SCMH1: variants seen among roughly 807,000 people sequenced by gnomAD.
SCMH1 encodes the protein Scm polycomb group protein homolog 1, also known as polycomb protein SCMH1.
Under a neutral mutation model 70.8 loss-of-function variants are expected in SCMH1, and 37 were observed. The observed-to-expected ratio is 0.52, with a 90% confidence interval of 0.40 to 0.69. The LOEUF (loss-of-function observed/expected upper bound fraction) is 0.69. SCMH1 is among the 30% of genes least tolerant of loss of function. The probability of loss-of-function intolerance (pLI) is 0.00; values close to 1 mark genes in which losing one functional copy is unlikely to be tolerated. For missense variants in SCMH1, 607 were observed against 827.3 expected (o/e 0.73, Z 3.27); for synonymous variants, 292 against 307.4 (o/e 0.95, Z 0.52).
intron 4 of SCMH1, among the ~76,000 whole-genome samples, chr1:41,153,908 A>T (rs184491345): frequency 1.2e-3 from 183 of 152,344 alleles, no homozygotes; most frequent in Non-Finnish European, 2.1e-3. Context: ...GACAGGCACC[A>T]AGGTATAGAT....
chr1:41,239,838 G>T (rs12126982), intron 1 of SCMH1, among the ~76,000 whole-genome samples: 11,869 of 152,116 alleles, frequency 0.078, 599 homozygotes, highest in South Asian at 0.13. Flanking sequence ...GTCTTGCTAC[G>T]TAGCCCAGGC....
At chr1:41,121,396 C>T (rs1035657982) in intron 6 of SCMH1, among the ~76,000 whole-genome samples, 1 of 152,214 alleles carries the variant, frequency 6.6e-6, no homozygotes. Flanking sequence ...TATTTTATCA[C>T]TCAGTCCTAC....
chr1:41,164,199 G>A (rs965843664), intron 2 of SCMH1, among the ~76,000 whole-genome samples: 4 of 151,966 alleles, frequency 2.6e-5, no homozygotes, highest in Middle Eastern at 3.4e-3. Context: ...GTTAAATCAC[G>A]TATCAACCTA....
At chr1:41,120,830 C>A (rs969423165) in intron 6 of SCMH1, among the ~76,000 whole-genome samples, 2 of 152,156 alleles carry the variant, frequency 1.3e-5, no homozygotes, top group African/African-American at 2.4e-5. Flanking sequence ...CAGGCTGGAA[C>A]CCCAGGACTT....
intron 8 of SCMH1, among the ~76,000 whole-genome samples, chr1:41,077,846 A>G (rs960266128): frequency 4.6e-5 from 7 of 152,218 alleles, no homozygotes; most frequent in African/African-American, 1.7e-4. Context: ...TTTAATATAA[A>G]ACGTTTGGCA....
At position 41,148,366 on chromosome 1, in the gene SCMH1, TA is replaced by T. The variant is rs1423310099; in HGVS notation, c.177+3247del. The stretch of plus-strand genomic sequence containing the variant: ...CCTTCATTTCTTTGTATAGATCTGT[TA>T]TTTCATTTGATATCATTTTCTTTCT... On this transcript the variant is annotated intron_variant, in intron 5 of 14. Transcript: ENST00000337495. 2.0e-5 allele frequency among the ~76,000 whole-genome samples: 3 copies of T among 152,214 alleles called. No individual in the cohort carries two copies. The East Asian group carries it at 5.8e-4, about 29-fold the overall frequency.
rs561300071 is a variant in SCMH1 at position 41,083,608 on chromosome 1, A to G, written c.746-8157T>C. Among the ~76,000 whole-genome samples, 3 of 152,368 alleles carry G rather than the reference A, an allele frequency of 2.0e-5. 1 individual carries two copies. Among genetic ancestry groups the G allele is most frequent in the Admixed American group, 2.0e-4 (3 of 15,304 alleles). Reference sequence around the variant, plus strand: ...ACAAGCTACCAATGACTTTCTTCACAGAATTGGAAAAAACTACTTTAAACT... The same window carrying G: ...ACAAGCTACCAATGACTTTCTTCACGGAATTGGAAAAAACTACTTTAAACT... On this transcript the variant is annotated intron_variant, in intron 8 of 14. Coordinates refer to ENST00000337495, the Ensembl canonical transcript of SCMH1.
At chr1:41,109,839 G>A (rs1443618386) in intron 8 of SCMH1, among the ~76,000 whole-genome samples, 1 of 152,160 alleles carries the variant, frequency 6.6e-6, no homozygotes, top group Non-Finnish European at 1.5e-5. Context: ...CAGCAACCTG[G>A]ACACAAAGAC....
intron 6 of SCMH1, among the ~76,000 whole-genome samples, chr1:41,133,972 C>A (rs962247932): frequency 6.6e-6 from 1 of 152,096 alleles, no homozygotes; most frequent in Admixed American, 6.5e-5. Context: ...GTAGCAGAGA[C>A]ACAACAAAAA....
At chr1:41,192,493 G>GACACACACAC (rs1491283443) in intron 1 of SCMH1, among the ~76,000 whole-genome samples, 1 of 68,938 alleles carries the variant, frequency 1.5e-5, no homozygotes, top group Non-Finnish European at 3.7e-5. Flanking sequence ...GATTAAATAG[G>GACACACACAC]AGACACACAC....
At chr1:41,211,986 G>A (rs1657130802) in intron 1 of SCMH1, among the ~76,000 whole-genome samples, 2 of 152,090 alleles carry the variant, frequency 1.3e-5, no homozygotes, top group Admixed American at 1.3e-4. Flanking sequence ...TGGATACAGG[G>A]CGGGGAACAT....
intron 8 of SCMH1, among the ~76,000 whole-genome samples, chr1:41,084,734 C>T (rs1238004503): frequency 2.0e-5 from 3 of 152,034 alleles, no homozygotes; most frequent in Non-Finnish European, 4.4e-5. Context: ...ACCCAAATGT[C>T]CATCAATGAT....
At chr1:41,108,076 G>A (rs1668444771) in intron 8 of SCMH1, among the ~76,000 whole-genome samples, 1 of 152,118 alleles carries the variant, frequency 6.6e-6, no homozygotes, top group Admixed American at 6.5e-5. Flanking sequence ...AAAGAAACCT[G>A]TCGCAGGTAG....
At chr1:41,216,429 C>T (rs1367453998) in intron 1 of SCMH1, among the ~76,000 whole-genome samples, 1 of 152,122 alleles carries the variant, frequency 6.6e-6, no homozygotes, top group Non-Finnish European at 1.5e-5. Context: ...AACTGAAGTA[C>T]CACCAGGACT....
At chr1:41,156,625 G>T (rs1471023934) in intron 4 of SCMH1, among the ~76,000 whole-genome samples, 1 of 151,980 alleles carries the variant, frequency 6.6e-6, no homozygotes, top group African/African-American at 2.4e-5. Flanking sequence ...TTTTTGTAGA[G>T]ACAGGGCTAT....
chr1:41,134,492 T>A (rs1415955244), intron 6 of SCMH1, among the ~76,000 whole-genome samples: 1 of 152,172 alleles, frequency 6.6e-6, no homozygotes, highest in African/African-American at 2.4e-5. Context: ...GGAAGTCAAA[T>A]TGTCTCTGTT....
intron 6 of SCMH1, among the ~76,000 whole-genome samples, chr1:41,136,297 C>A (rs1165386187): frequency 6.6e-6 from 1 of 151,958 alleles, no homozygotes; most frequent in Admixed American, 6.6e-5. Flanking sequence ...TTAATTTTGA[C>A]AAATAGTATT....
chr1:41,169,672 A>C (rs1646655030), intron 2 of SCMH1, among the ~76,000 whole-genome samples: 1 of 152,238 alleles, frequency 6.6e-6, no homozygotes, highest in Non-Finnish European at 1.5e-5. Context: ...AGTTAGTTGG[A>C]AGCCAGGCTG....
intron 1 of SCMH1, among the ~76,000 whole-genome samples, chr1:41,228,951 A>G (rs1163099117): frequency 6.6e-6 from 1 of 152,152 alleles, no homozygotes; most frequent in Admixed American, 6.5e-5. Flanking sequence ...AGATTCATTC[A>G]TTCGGAGGCC....
Sources: gnomAD v4.1 joint callset for allele counts (sites outside exome capture counted in the v4.1 genomes callset) on GRCh38, gnomAD v4.1.1 for gene constraint, MANE v1.5 for transcripts, NCBI Gene and HGNC (gene_info 2026-07-23, HGNC 2026-07-21) for gene names.